Variants in PCDHA13 observed in about 807,000 individuals in gnomAD.
PCDHA13 encodes the protein protocadherin alpha 13.
PCDHA13 carries 54 observed loss-of-function variants against 64.8 expected under a neutral mutation model. That is an observed-to-expected ratio of 0.83 (90% confidence interval 0.67 to 1.04). The LOEUF (loss-of-function observed/expected upper bound fraction) is 1.04. Among genes scored for constraint, PCDHA13 ranks in the 50% least tolerant of loss-of-function variants. The pLI is 0.00. For synonymous variants in PCDHA13, 587 were observed against 564.4 expected (o/e 1.04, Z -0.57); for missense variants, 1,248 against 1,254.3 (o/e 0.99, Z 0.08).
At chr5:140,973,728 C>G (rs1193811831) in intron 1 of PCDHA13, among the ~76,000 whole-genome samples, 1 of 152,232 alleles carries the variant, frequency 6.6e-6, no homozygotes, top group African/African-American at 2.4e-5. Context: ...ACATGGGCAT[C>G]TGGTCTAACT....
rs782489417 is a variant in PCDHA13, at chr5:140,927,802, A to C, written c.2394+43140A>C. 6.2e-6 allele frequency: 10 copies of C among 1,614,148 alleles called. No homozygotes were observed. The East Asian group carries it at 2.0e-4, about 32-fold the overall frequency. On this transcript the variant is annotated intron_variant, in intron 1 of 3. Transcript: ENST00000289272. ...AGCTGCTTCACTAGGTCCGCCTGAA[A>C]CGCTCTTGGAGGCATACATTGAGGC...
intron 1 of PCDHA13, among the ~76,000 whole-genome samples, chr5:140,970,213 A>AAAT (rs1198069658): frequency 6.6e-5 from 10 of 152,242 alleles, no homozygotes; most frequent in Admixed American, 2.0e-4. Context: ...AATTTAGCTT[A>AAAT]AATGCAGCCT....
Position 140,884,092 on chromosome 5 carries a change from G to C in PCDHA13, c.1824G>C (p.Ser608=). The C allele has an allele frequency of 1.2e-6, 2 of 1,613,556 alleles. No individual in the cohort carries two copies. The highest frequency in any genetic ancestry group is 1.7e-6 in the Non-Finnish European group (2 of 1,179,760). Residue 608 remains serine, a synonymous_variant, in exon 1 of 4, where the codon TCG becomes TCC. Coordinates refer to ENST00000289272, the MANE Select transcript of PCDHA13 (RefSeq NM_018904.3). ...ATTCGGGCTACAATGCGTGGCTTTC[G>C]TATGAATTGCAGCTGGCGGCGGTCG... The part of the protein sequence containing the change: ...DADSGYNAWL[S]YELQLAAVGA...
At chr5:140,968,904 G>A (rs1554231223) in intron 1 of PCDHA13, 1 of 1,614,058 alleles carries the variant, frequency 6.2e-7, no homozygotes, top group Non-Finnish European at 8.5e-7. Flanking sequence ...ATAGCATTAA[G>A]CACAGTGTCT....
intron 1 of PCDHA13, among the ~76,000 whole-genome samples, chr5:140,940,745 T>C (rs1554213585): frequency 6.6e-6 from 1 of 152,260 alleles, no homozygotes; most frequent in Non-Finnish European, 1.5e-5. Flanking sequence ...CATATTTTTA[T>C]GTGTGCCAAC....
chr5:140,973,481 G>A (rs537904841), intron 1 of PCDHA13, among the ~76,000 whole-genome samples: 2 of 152,208 alleles, frequency 1.3e-5, no homozygotes, highest in East Asian at 3.9e-4. Context: ...ATTTCATATT[G>A]GTCACAGGAC....
At chr5:140,949,405 AC>A (rs1554218939) in intron 1 of PCDHA13, among the ~76,000 whole-genome samples, 1 of 151,820 alleles carries the variant, frequency 6.6e-6, no homozygotes, top group African/African-American at 2.4e-5. Flanking sequence ...GTTAAAAATC[AC>A]CTATCATCAT....
intron 3 of PCDHA13, among the ~76,000 whole-genome samples, chr5:141,000,587 C>A (rs181671847): frequency 0.01 from 1,575 of 150,790 alleles, 20 homozygotes; most frequent in Non-Finnish European, 0.016. Context: ...GCCACCATGC[C>A]CAGCTAATTT....
rs1562802595 is a variant in PCDHA13, at chr5:140,884,310, G to C, written c.2042G>C (p.Arg681Thr). 1.2e-6 allele frequency: 2 copies of C among 1,613,792 alleles called. No homozygotes were observed. Among genetic ancestry groups the C allele is most frequent in the African/African-American group, 2.7e-5 (2 of 75,056 alleles). ...ESGQAPQASS[R>T]ASAGAVGPEA... Reference sequence around the variant, plus strand: ...GGCCAAGCGCCACAGGCTTCGTCGAGGGCGTCGGCAGGCGCTGTGGGTCCA... The same window carrying C: ...GGCCAAGCGCCACAGGCTTCGTCGACGGCGTCGGCAGGCGCTGTGGGTCCA... Residue 681 changes from arginine (R) to threonine (T), a missense_variant, in exon 1 of 4, where the codon AGG (arginine) becomes ACG (threonine). Transcript: ENST00000289272.
chr5:140,929,511 G>T, intron 1 of PCDHA13: 1 of 781,088 alleles, frequency 1.3e-6, no homozygotes, highest in Non-Finnish European at 1.8e-6. Flanking sequence ...AGGCCTCAAG[G>T]GACTTATAGT....
chr5:140,959,642 A>G (rs1352450996), intron 1 of PCDHA13, among the ~76,000 whole-genome samples: 7 of 152,230 alleles, frequency 4.6e-5, no homozygotes, highest in African/African-American at 1.7e-4. Flanking sequence ...GAAAAAACAC[A>G]GAAGCAAAAT....
At chr5:140,967,695 T>G in intron 1 of PCDHA13, 1 of 1,614,184 alleles carries the variant, frequency 6.2e-7, no homozygotes, top group Non-Finnish European at 8.5e-7. Flanking sequence ...CTCTTCAGCA[T>G]AGATGCCAGT....
intron 1 of PCDHA13, among the ~76,000 whole-genome samples, chr5:140,973,232 G>GA (rs2096577680): frequency 6.6e-6 from 1 of 152,196 alleles, no homozygotes; most frequent in African/African-American, 2.4e-5. Flanking sequence ...ATAGTGACCT[G>GA]AAAGAGTTAA....
chr5:140,986,173 C>G (rs1459755039), intron 3 of PCDHA13, among the ~76,000 whole-genome samples: 1 of 152,202 alleles, frequency 6.6e-6, no homozygotes, highest in Non-Finnish European at 1.5e-5. Flanking sequence ...GCAGGATAAA[C>G]AAGTCAGGCA....
At chr5:140,962,438 GATGGCTTGAATCTCTT>G (rs1298191516) in intron 1 of PCDHA13, among the ~76,000 whole-genome samples, 11 of 152,108 alleles carry the variant, frequency 7.2e-5, no homozygotes, top group East Asian at 5.8e-4. Flanking sequence ...CTTATCCAAA[GATGGCTTGAATCTCTT>G]ATGGCTTGAA....
intron 3 of PCDHA13, among the ~76,000 whole-genome samples, chr5:141,003,397 C>T (rs370088269): frequency 2.0e-5 from 3 of 152,086 alleles, no homozygotes; most frequent in African/African-American, 4.8e-5. Flanking sequence ...CTGAAACCTC[C>T]GCCTCCCGGG....
intron 3 of PCDHA13, among the ~76,000 whole-genome samples, chr5:140,986,776 C>T (rs916981139): frequency 2.6e-5 from 4 of 152,098 alleles, no homozygotes; most frequent in Non-Finnish European, 4.4e-5. Flanking sequence ...AATTAGGTAG[C>T]GGAAGCCACT....
chr5:140,972,411 G>A (rs1258321444), intron 1 of PCDHA13, among the ~76,000 whole-genome samples: 1 of 151,680 alleles, frequency 6.6e-6, no homozygotes, highest in Non-Finnish European at 1.5e-5. Flanking sequence ...GGCAAACCCT[G>A]TTAAGATCTT....
chr5:140,934,822 T>C (rs2090051776), intron 1 of PCDHA13, among the ~76,000 whole-genome samples: 1 of 152,218 alleles, frequency 6.6e-6, no homozygotes. Flanking sequence ...ATGCTAACTT[T>C]GGCAAGTTGG....
Sources: allele counts gnomAD v4.1 joint callset (sites outside exome capture counted in the v4.1 genomes callset), GRCh38; gene constraint gnomAD v4.1.1; transcripts MANE v1.5; gene names NCBI Gene and HGNC (gene_info 2026-07-23, HGNC 2026-07-21).